Variants in SDHAF3 observed in about 807,000 individuals in gnomAD.
The protein encoded by SDHAF3 is succinate dehydrogenase assembly factor 3, mitochondrial.
Under a neutral mutation model 11.5 loss-of-function variants are expected in SDHAF3, and 18 were observed. The ratio of observed to expected loss-of-function variants is 1.56; its 90% CI spans 1.08 to 2.32. The LOEUF (loss-of-function observed/expected upper bound fraction) is 2.32, where lower values mean the gene tolerates loss of function less well. SDHAF3 is among the 30% of genes most tolerant of loss of function. The pLI, the probability that SDHAF3 is intolerant of heterozygous loss-of-function variation, is 0.00. For missense variants in SDHAF3, 200 were observed against 154.4 expected (o/e 1.30, Z -1.57); for synonymous variants, 72 against 59.3 (o/e 1.21, Z -0.99).
intron 1 of SDHAF3, among the ~76,000 whole-genome samples, chr7:97,132,061 T>C (rs1791678994): frequency 6.6e-6 from 1 of 152,186 alleles, no homozygotes; most frequent in African/African-American, 2.4e-5. Context: ...TTCTTGATTA[T>C]CTGTAAAAAT....
chr7:97,161,234 A>G (rs566595406), intron 1 of SDHAF3, among the ~76,000 whole-genome samples: 4 of 152,146 alleles, frequency 2.6e-5, no homozygotes, highest in Non-Finnish European at 5.9e-5. Flanking sequence ...AGGCTAAGCT[A>G]TGATCTTGGG....
intron 1 of SDHAF3, chr7:97,136,371 A>G: frequency 1.7e-6 from 1 of 601,566 alleles, no homozygotes; most frequent in Non-Finnish European, 3.1e-6. Context: ...TGCATAAATC[A>G]AATTTGTTTT....
chr7:97,145,861 C>A (rs79096746), intron 1 of SDHAF3, among the ~76,000 whole-genome samples: 7,471 of 152,210 alleles, frequency 0.049, 557 homozygotes, highest in East Asian at 0.29. Context: ...TAATTCAAAA[C>A]CCCAACAGAG....
chr7:97,127,897 G>GT (rs920829054), intron 1 of SDHAF3, among the ~76,000 whole-genome samples: 4,064 of 106,250 alleles, frequency 0.038, 296 homozygotes, highest in African/African-American at 0.12. Flanking sequence ...TCTACATCAA[G>GT]TTTTTTTTTT....
At chr7:97,126,945 A>T (rs1206777974) in intron 1 of SDHAF3, among the ~76,000 whole-genome samples, 1 of 151,950 alleles carries the variant, frequency 6.6e-6, no homozygotes, top group East Asian at 1.9e-4. Context: ...TAGACACACG[A>T]GGGAATCTCC....
At chr7:97,121,472 GT>G (rs1791495641) in intron 1 of SDHAF3, among the ~76,000 whole-genome samples, 1 of 152,136 alleles carries the variant, frequency 6.6e-6, no homozygotes, top group Non-Finnish European at 1.5e-5. Flanking sequence ...TACCTGTTCT[GT>G]GTCTGTTGTG....
chr7:97,119,888 T>C (rs567952319), intron 1 of SDHAF3, among the ~76,000 whole-genome samples: 1 of 152,172 alleles, frequency 6.6e-6, no homozygotes, highest in Non-Finnish European at 1.5e-5. Flanking sequence ...GAATACCACA[T>C]GGGCAAAGTG....
At chr7:97,129,311 G>A (rs1456084310) in intron 1 of SDHAF3, among the ~76,000 whole-genome samples, 5 of 152,084 alleles carry the variant, frequency 3.3e-5, no homozygotes, top group Non-Finnish European at 7.4e-5. Context: ...CTTGGTTTTG[G>A]CAGTTTGGCT....
intron 1 of SDHAF3, among the ~76,000 whole-genome samples, chr7:97,138,900 A>G (rs1788975175): frequency 6.6e-6 from 1 of 152,166 alleles, no homozygotes; most frequent in Non-Finnish European, 1.5e-5. Context: ...CCTACCCACT[A>G]GGTCCATTGG....
chr7:97,168,795 C>A (rs906450579), intron 1 of SDHAF3, among the ~76,000 whole-genome samples: 8 of 152,184 alleles, frequency 5.3e-5, no homozygotes, highest in African/African-American at 1.7e-4. Flanking sequence ...ATTTTTGTTC[C>A]CTTTTCTTTT....
At chr7:97,171,474 GA>G (rs2115739947) in intron 1 of SDHAF3, among the ~76,000 whole-genome samples, 1 of 152,152 alleles carries the variant, frequency 6.6e-6, no homozygotes, top group Admixed American at 6.5e-5. Context: ...GACTAATTCT[GA>G]TTGTGACAGC....
intron 1 of SDHAF3, among the ~76,000 whole-genome samples, chr7:97,157,844 CTCAGCAAA>C (rs1789328017): frequency 2.0e-5 from 3 of 151,698 alleles, no homozygotes; most frequent in Admixed American, 6.6e-5. Context: ...AACCATCATT[CTCAGCAAA>C]CTATCCCAAG....
intron 1 of SDHAF3, among the ~76,000 whole-genome samples, chr7:97,167,270 A>G (rs532711624): frequency 6.6e-6 from 1 of 152,148 alleles, no homozygotes; most frequent in South Asian, 2.1e-4. Flanking sequence ...AGTGTGTAGC[A>G]CTTCCCCCCT....
intron 1 of SDHAF3, among the ~76,000 whole-genome samples, chr7:97,124,380 C>T (rs1791544080): frequency 6.6e-6 from 1 of 152,078 alleles, no homozygotes; most frequent in Non-Finnish European, 1.5e-5. Context: ...GTATCATGCT[C>T]TTGTGGTAAC....
At chr7:97,148,707 T>C (rs1377207879) in intron 1 of SDHAF3, among the ~76,000 whole-genome samples, 1 of 152,226 alleles carries the variant, frequency 6.6e-6, no homozygotes, top group Non-Finnish European at 1.5e-5. Flanking sequence ...GTAGTTCTTT[T>C]GTTAACAGTC....
chr7:97,173,577 C>G (rs544909142), intron 1 of SDHAF3, among the ~76,000 whole-genome samples: 2 of 5,120 alleles, frequency 3.9e-4, no homozygotes, highest in Non-Finnish European at 2.5e-3. Context: ...ATGAGAGTCT[C>G]ACTCTCTCTC....
At chr7:97,166,993 T>C (rs576217390) in intron 1 of SDHAF3, among the ~76,000 whole-genome samples, 1 of 152,292 alleles carries the variant, frequency 6.6e-6, no homozygotes, top group African/African-American at 2.4e-5. Flanking sequence ...TTGACTGATC[T>C]AGGCACTTTC....
At chr7:97,168,199 A>G (rs1053579406) in intron 1 of SDHAF3, among the ~76,000 whole-genome samples, 1 of 152,160 alleles carries the variant, frequency 6.6e-6, no homozygotes, top group African/African-American at 2.4e-5. Flanking sequence ...TGGTCATGAG[A>G]CAAGAACTTG....
chr7:97,181,269 C>T lies in SDHAF3; in HGVS notation c.*54C>T. ...CAAAAATTTAGAACCCCTACTTTAACTGTCATTGGTTTTTGAAATATATTT... is the reference window on the plus strand; with the variant it reads ...CAAAAATTTAGAACCCCTACTTTAATTGTCATTGGTTTTTGAAATATATTT... On this transcript the variant is annotated 3_prime_UTR_variant, in exon 2 of 2. Coordinates refer to ENST00000432641, the MANE Select transcript of SDHAF3 (RefSeq NM_020186.3). The T allele has an allele frequency of 7.5e-7, 1 of 1,329,482 alleles. No homozygotes were observed. 82.4% of individuals were successfully genotyped at this position (1,329,482 alleles called of 1,614,324 possible).
Sources: gnomAD v4.1 joint callset for allele counts (sites outside exome capture counted in the v4.1 genomes callset) on GRCh38, gnomAD v4.1.1 for gene constraint, MANE v1.5 for transcripts, NCBI Gene and HGNC (gene_info 2026-07-23, HGNC 2026-07-21) for gene names.